ZNF385B: variants seen among roughly 807,000 people sequenced by gnomAD.
ZNF385B encodes the protein zinc finger protein 385B.
ZNF385B carries 23 observed loss-of-function variants against 39.2 expected under a neutral mutation model. The ratio of observed to expected loss-of-function variants is 0.59; its 90% CI spans 0.42 to 0.83. ZNF385B has a LOEUF of 0.83. Ranked by LOEUF, ZNF385B falls within the 40% of genes least tolerant of loss-of-function variation. ZNF385B has a pLI of 0.00. For missense variants in ZNF385B, 552 were observed against 598.9 expected (o/e 0.92, Z 0.82); for synonymous variants, 205 against 222.6 (o/e 0.92, Z 0.70).
intron 1 of ZNF385B, among the ~76,000 whole-genome samples, chr2:179,798,650 C>A (rs2106551154): frequency 6.6e-6 from 1 of 152,200 alleles, no homozygotes; most frequent in African/African-American, 2.4e-5. Context: ...ATAACACACT[C>A]ACTGTAAATA....
At chr2:179,835,120 A>G (rs1373652977) in intron 1 of ZNF385B, among the ~76,000 whole-genome samples, 1 of 152,232 alleles carries the variant, frequency 6.6e-6, no homozygotes, top group Non-Finnish European at 1.5e-5. Flanking sequence ...AGATAGAAGT[A>G]TTGTATTGTT....
At position 179,708,796 on chromosome 2, in the gene ZNF385B, G is replaced by A. The variant is rs142622233; in HGVS notation, c.298+60707C>T. 6.6e-3 allele frequency among the ~76,000 whole-genome samples: 1,004 copies of A among 152,304 alleles called. 8 individuals are homozygous for A. Among genetic ancestry groups the A allele is most frequent in the Middle Eastern group, 0.017 (5 of 294 alleles). On this transcript the variant is annotated intron_variant, in intron 3 of 9. Coordinates refer to ENST00000410066, the MANE Select transcript of ZNF385B (RefSeq NM_152520.6). ...AATACCAATACTCACTGCCAGGCAGGTGAGGGGGCATGATGGAATCACAAG... is the reference window on the plus strand; with the variant it reads ...AATACCAATACTCACTGCCAGGCAGATGAGGGGGCATGATGGAATCACAAG...
At chr2:179,652,893 C>G (rs1197258364) in intron 3 of ZNF385B, among the ~76,000 whole-genome samples, 1 of 150,034 alleles carries the variant, frequency 6.7e-6, no homozygotes, top group Non-Finnish European at 1.5e-5. Flanking sequence ...CTAGAAGAGT[C>G]TCTGAGTTCT....
At chr2:179,560,830 C>G (rs73976412) in intron 3 of ZNF385B, among the ~76,000 whole-genome samples, 23,746 of 152,134 alleles carry the variant, frequency 0.16, 1,955 homozygotes, top group African/African-American at 0.18. Context: ...TATTAGTTTT[C>G]TTTTTAATAT....
chr2:179,477,852 C>T (rs750261746), intron 6 of ZNF385B, among the ~76,000 whole-genome samples: 8 of 151,942 alleles, frequency 5.3e-5, no homozygotes, highest in Non-Finnish European at 7.4e-5. Context: ...GATAATGTCC[C>T]GCATAGAAAT....
chr2:179,519,789 A>G (rs868170205), intron 4 of ZNF385B, among the ~76,000 whole-genome samples: 2 of 152,228 alleles, frequency 1.3e-5, no homozygotes, highest in African/African-American at 2.4e-5. Context: ...CTGAGGTTAG[A>G]GATTAAGATT....
intron 3 of ZNF385B, among the ~76,000 whole-genome samples, chr2:179,634,022 T>C (rs1158805388): frequency 1.3e-5 from 2 of 152,282 alleles, no homozygotes; most frequent in East Asian, 3.9e-4. Flanking sequence ...AAGCTGAAAC[T>C]GGATCCCTTC....
intron 3 of ZNF385B, among the ~76,000 whole-genome samples, chr2:179,715,158 A>G (rs1700254480): frequency 1.3e-5 from 2 of 151,900 alleles, no homozygotes; most frequent in Admixed American, 1.3e-4. Flanking sequence ...CCTAATTCTA[A>G]CTCTCAGGAG....
chr2:179,657,886 A>G (rs1693979509), intron 3 of ZNF385B, among the ~76,000 whole-genome samples: 1 of 152,182 alleles, frequency 6.6e-6, no homozygotes, highest in Admixed American at 6.5e-5. Flanking sequence ...TTTTCGTGAA[A>G]CCACTTGGAA....
chr2:179,644,242 A>T (rs528959251), intron 3 of ZNF385B, among the ~76,000 whole-genome samples: 1 of 152,298 alleles, frequency 6.6e-6, no homozygotes, highest in Admixed American at 6.5e-5. Flanking sequence ...TGCCACCAGC[A>T]TTCGATGAAG....
At chr2:179,614,572 G>A (rs1055899795) in intron 3 of ZNF385B, among the ~76,000 whole-genome samples, 1 of 152,162 alleles carries the variant, frequency 6.6e-6, no homozygotes, top group Non-Finnish European at 1.5e-5. Context: ...TATTACTCCA[G>A]TATCAAGGAG....
intron 1 of ZNF385B, among the ~76,000 whole-genome samples, chr2:179,807,210 A>G (rs1185878953): frequency 1.3e-5 from 2 of 152,258 alleles, no homozygotes; most frequent in East Asian, 3.8e-4. Context: ...TGCTCACACA[A>G]TGGAATGCTA....
chr2:179,466,393 G>GA lies in ZNF385B; in HGVS notation c.715+16878dup, dbSNP rs200257846. ...CTGCCTGACAATCTGAAGCACATGT[G>GA]AAAAAAAAAATCACCAAAATATAGC... On this transcript the variant is annotated intron_variant, in intron 6 of 9. Transcript: ENST00000410066. 5.0e-3 allele frequency among the ~76,000 whole-genome samples: 747 copies of GA among 149,494 alleles called. 8 individuals are homozygous for GA. The highest frequency in any genetic ancestry group is 0.016 in the African/African-American group (666 of 40,778).
intron 3 of ZNF385B, among the ~76,000 whole-genome samples, chr2:179,632,768 AT>A (rs1333937370): frequency 1.3e-5 from 2 of 152,078 alleles, no homozygotes; most frequent in African/African-American, 4.8e-5. Context: ...CCAGGAGCTG[AT>A]TTTTTGAAAA....
chr2:179,561,320 T>C (rs2061324199), intron 3 of ZNF385B, among the ~76,000 whole-genome samples: 1 of 152,092 alleles, frequency 6.6e-6, no homozygotes, highest in South Asian at 2.1e-4. Flanking sequence ...AGGTATGTAA[T>C]AACTAAACTG....
chr2:179,620,880 T>C (rs1304929576), intron 3 of ZNF385B, among the ~76,000 whole-genome samples: 1 of 152,214 alleles, frequency 6.6e-6, no homozygotes, highest in Non-Finnish European at 1.5e-5. Context: ...TTTCACATTA[T>C]GCTCTGCACT....
At chr2:179,769,399 G>C in intron 3 of ZNF385B, 104 bp downstream of exon 3, 10 of 1,500,996 alleles carry the variant, frequency 6.7e-6, no homozygotes, top group Non-Finnish European at 8.9e-6. Context: ...TATCATGGTA[G>C]CCCAGTTTTA....
chr2:179,635,441 A>G (rs6755020), intron 3 of ZNF385B, among the ~76,000 whole-genome samples: 56,321 of 149,482 alleles, frequency 0.38, 10,926 homozygotes, highest in African/African-American at 0.46. Flanking sequence ...TGAATGATGA[A>G]TTGATGGGTG....
intron 6 of ZNF385B, among the ~76,000 whole-genome samples, chr2:179,465,847 C>T (rs1454796260): frequency 1.3e-5 from 2 of 152,100 alleles, no homozygotes; most frequent in African/African-American, 2.4e-5. Flanking sequence ...TTTATTTGCA[C>T]TTAAAAATTA....
Sources: allele counts gnomAD v4.1 joint callset (sites outside exome capture counted in the v4.1 genomes callset), GRCh38; gene constraint gnomAD v4.1.1; transcripts MANE v1.5; gene names NCBI Gene and HGNC (gene_info 2026-07-23, HGNC 2026-07-21).